SPECC1: variants seen among roughly 807,000 people sequenced by gnomAD.
The protein encoded by SPECC1 is sperm antigen with calponin homology and coiled-coil domains 1, also known as cytospin-B.
Under a neutral mutation model 104.1 loss-of-function variants are expected in SPECC1, and 62 were observed. The ratio of observed to expected loss-of-function variants is 0.60; its 90% CI spans 0.49 to 0.74. SPECC1 has a LOEUF of 0.74. Ranked by LOEUF, SPECC1 falls within the 30% of genes least tolerant of loss-of-function variation. The pLI, the probability that SPECC1 is intolerant of heterozygous loss-of-function variation, is 0.00. For missense variants in SPECC1, 1,306 were observed against 1,310.5 expected, an observed-to-expected ratio of 1.00 and a Z score of 0.05; for synonymous variants, 513 against 501.6, an observed-to-expected ratio of 1.02 and a Z score of -0.30.
intron 3 of SPECC1, among the ~76,000 whole-genome samples, chr17:20,147,481 G>T (rs551608082): frequency 6.6e-5 from 10 of 152,274 alleles, no homozygotes; most frequent in Admixed American, 1.3e-4. Context: ...TTGTGTGTGT[G>T]TTTTTTAAAG....
intron 1 of SPECC1, among the ~76,000 whole-genome samples, chr17:20,079,150 G>C (rs1225481941): frequency 6.6e-6 from 1 of 152,188 alleles, no homozygotes; most frequent in African/African-American, 2.4e-5. Flanking sequence ...TTGCTTTATT[G>C]ATGGGCGCCG....
chr17:20,280,904 T>C (rs2040747184), intron 12 of SPECC1, among the ~76,000 whole-genome samples: 1 of 152,240 alleles, frequency 6.6e-6, no homozygotes, highest in Admixed American at 6.5e-5. Context: ...GAACCACTAA[T>C]TTAATCTAGC....
chr17:20,257,649 C>G (rs762535966), intron 11 of SPECC1, 42 bp downstream of exon 11: 42 of 1,603,368 alleles, frequency 2.6e-5, no homozygotes, highest in Middle Eastern at 1.7e-4. Context: ...AAACATCGGG[C>G]TAATCACCTT....
intron 1 of SPECC1, among the ~76,000 whole-genome samples, chr17:20,077,438 A>C (rs2046801807): frequency 6.6e-6 from 1 of 151,996 alleles, no homozygotes; most frequent in African/African-American, 2.4e-5. Flanking sequence ...GCACTGTGAT[A>C]GCTTTTGTGG....
chr17:20,135,309 T>C (rs969879169), intron 3 of SPECC1, among the ~76,000 whole-genome samples: 1 of 152,248 alleles, frequency 6.6e-6, no homozygotes, highest in Admixed American at 6.5e-5. Context: ...CAGTGGAATC[T>C]TGCTGGGATT....
chr17:20,022,830 G>T (rs943456844), intron 1 of SPECC1, among the ~76,000 whole-genome samples: 11 of 152,192 alleles, frequency 7.2e-5, no homozygotes, highest in South Asian at 4.1e-4. Context: ...TCCCAAGATT[G>T]CTTGGACATG....
chr17:20,212,611 C>T (rs547987912), intron 4 of SPECC1, among the ~76,000 whole-genome samples: 1 of 152,184 alleles, frequency 6.6e-6, no homozygotes, highest in Non-Finnish European at 1.5e-5. Flanking sequence ...ACTGGGGTCC[C>T]TCCCACAACA....
intron 3 of SPECC1, among the ~76,000 whole-genome samples, chr17:20,171,872 C>T (rs2034119654): frequency 6.6e-6 from 1 of 152,184 alleles, no homozygotes; most frequent in African/African-American, 2.4e-5. Flanking sequence ...TGCTTGCCAG[C>T]ATTCTGGTCA....
At chr17:20,304,465 A>G (rs1302098177) in intron 13 of SPECC1, among the ~76,000 whole-genome samples, 1 of 152,202 alleles carries the variant, frequency 6.6e-6, no homozygotes, top group Non-Finnish European at 1.5e-5. Context: ...ATGAACAAAC[A>G]TCAGAGAATA....
At position 20,295,033 on chromosome 17, in the gene SPECC1, T is replaced by G. The variant is rs550371553; in HGVS notation, c.2941-1928T>G. Among the ~76,000 whole-genome samples, 4 of 151,700 alleles carry G rather than the reference T, an allele frequency of 2.6e-5. No homozygotes were observed. In the East Asian group the frequency reaches 7.8e-4, roughly 30 times the overall value. On this transcript the variant is annotated intron_variant, in intron 12 of 14. Transcript: ENST00000395527. ...TCCCATCTATTATTATTATTATTATTATTATACTTTAAGTTCTGGGGTACA... is the reference window on the plus strand; with the variant it reads ...TCCCATCTATTATTATTATTATTATGATTATACTTTAAGTTCTGGGGTACA...
intron 1 of SPECC1, among the ~76,000 whole-genome samples, chr17:20,091,930 AG>A (rs974105499): frequency 1.3e-5 from 2 of 152,188 alleles, no homozygotes; most frequent in Non-Finnish European, 2.9e-5. Context: ...TCTCCAACGC[AG>A]GCTCCGAAGG....
At chr17:20,243,389 C>A (rs577498312) in intron 7 of SPECC1, among the ~76,000 whole-genome samples, 1 of 152,290 alleles carries the variant, frequency 6.6e-6, no homozygotes, top group South Asian at 2.1e-4. Flanking sequence ...TCATTTATGG[C>A]TGAGGCTGTT....
At chr17:20,094,544 GGTGGT>G (rs1287825999) in intron 1 of SPECC1, among the ~76,000 whole-genome samples, 1 of 152,082 alleles carries the variant, frequency 6.6e-6, no homozygotes, top group Admixed American at 6.5e-5. Flanking sequence ...TCTCTTTTGT[GGTGGT>G]GTGGTGGTGG....
intron 3 of SPECC1, among the ~76,000 whole-genome samples, chr17:20,203,382 C>T (rs900098411): frequency 6.6e-6 from 1 of 151,960 alleles, no homozygotes; most frequent in Admixed American, 6.6e-5. Flanking sequence ...GGTTTCACCC[C>T]TAGAATTGTT....
chr17:20,114,355 C>T (rs537558573), intron 3 of SPECC1, among the ~76,000 whole-genome samples: 1 of 152,064 alleles, frequency 6.6e-6, no homozygotes, highest in Non-Finnish European at 1.5e-5. Flanking sequence ...CCACGCCCAG[C>T]TAATTTTTGT....
intron 1 of SPECC1, among the ~76,000 whole-genome samples, chr17:20,018,308 T>A (rs1273883335): frequency 6.6e-6 from 1 of 152,244 alleles, no homozygotes; most frequent in Non-Finnish European, 1.5e-5. Context: ...ACTCTTGTTT[T>A]CCAGGTTTCT....
At chr17:20,251,283 C>A (rs537816927) in intron 9 of SPECC1, among the ~76,000 whole-genome samples, 1 of 141,362 alleles carries the variant, frequency 7.1e-6, no homozygotes, top group South Asian at 2.3e-4. Flanking sequence ...AAAATGTAGT[C>A]GATAAAGATT....
At chr17:20,038,517 A>G (rs2045190551) in intron 1 of SPECC1, among the ~76,000 whole-genome samples, 1 of 148,582 alleles carries the variant, frequency 6.7e-6, no homozygotes, top group South Asian at 2.1e-4. Flanking sequence ...CTCCTACCTC[A>G]GCCTCCCAAG....
intron 7 of SPECC1, among the ~76,000 whole-genome samples, chr17:20,240,719 T>G (rs998410717): frequency 6.6e-6 from 1 of 152,260 alleles, no homozygotes; most frequent in Non-Finnish European, 1.5e-5. Flanking sequence ...CTGCCCTAGA[T>G]GTGCTCCCAT....
Sources: gnomAD v4.1 joint callset for allele counts (sites outside exome capture counted in the v4.1 genomes callset) on GRCh38, gnomAD v4.1.1 for gene constraint, MANE v1.5 for transcripts, NCBI Gene and HGNC (gene_info 2026-07-23, HGNC 2026-07-21) for gene names.